PCDHA3: variants seen among roughly 807,000 people sequenced by gnomAD.
PCDHA3 encodes the protein protocadherin alpha 3, also known as protocadherin alpha-3.
Under a neutral mutation model 62.2 loss-of-function variants are expected in PCDHA3, and 41 were observed. That is an observed-to-expected ratio of 0.66 (90% CI 0.51 to 0.86). PCDHA3 has a LOEUF of 0.86. PCDHA3 is among the 40% of genes least tolerant of loss of function. PCDHA3 has a pLI of 0.00. For synonymous variants in PCDHA3, 640 were observed against 555.4 expected, an observed-to-expected ratio of 1.15 and a Z score of -2.14; for missense variants, 1,304 against 1,241.2, an observed-to-expected ratio of 1.05 and a Z score of -0.76.
chr5:140,827,091 A>G (rs568618224), intron 1 of PCDHA3, among the ~76,000 whole-genome samples: 1 of 152,214 alleles, frequency 6.6e-6, no homozygotes, highest in Non-Finnish European at 1.5e-5. Flanking sequence ...ACTATTTTCT[A>G]GGAGTCAGCA....
Position 140,849,995 on chromosome 5 carries a change from C to T in PCDHA3, c.2394+46404C>T, listed in dbSNP as rs2150462177. The T allele has an allele frequency of 2.5e-6, 4 of 1,597,088 alleles. 1 individual carries two copies. The highest frequency in any genetic ancestry group is 1.7e-6 in the Non-Finnish European group (2 of 1,167,812). ...ACTCGCTGGTGGAGCGGCGGTTGGG[C>T]GAGCGCTCGCTGTCGAGCTACGTGT... On this transcript the variant is annotated intron_variant, in intron 1 of 3. Transcript: ENST00000522353.
At position 140,856,560 on chromosome 5, in the gene PCDHA3, T is replaced by G. The variant is rs782375648; in HGVS notation, c.2394+52969T>G. 94 of 1,597,798 alleles carry G rather than the reference T, an allele frequency of 5.9e-5. 1 individual carries two copies. ...GAGAACGCATTGCTTACTTACAAAC[T>G]CAGTCCAAATGAGTATTTTGTTCTT... On this transcript the variant is annotated intron_variant, in intron 1 of 3. Transcript: ENST00000522353.
At chr5:140,915,557 T>G (rs909593732) in intron 1 of PCDHA3, among the ~76,000 whole-genome samples, 1 of 152,102 alleles carries the variant, frequency 6.6e-6, no homozygotes, top group African/African-American at 2.4e-5. Flanking sequence ...AGATCCAGAA[T>G]GATTATCTGG....
intron 1 of PCDHA3, among the ~76,000 whole-genome samples, chr5:140,846,373 C>CTTTTTTTTTT (rs374699051): frequency 3.6e-5 from 2 of 55,152 alleles, no homozygotes; most frequent in South Asian, 1.0e-3. Flanking sequence ...TTCTTTCTTT[C>CTTTTTTTTTT]TTTTTTTTTT....
intron 1 of PCDHA3, chr5:140,849,712 C>G (rs782768269): frequency 6.3e-7 from 1 of 1,598,502 alleles, no homozygotes; most frequent in Non-Finnish European, 8.6e-7. Context: ...AATTACTACT[C>G]GTTGGTGCTG....
At chr5:140,852,630 T>C in intron 1 of PCDHA3, 1 of 954,540 alleles carries the variant, frequency 1.0e-6, no homozygotes, top group Non-Finnish European at 1.3e-6. Context: ...GTCTCTGAGC[T>C]CCTGTCATTA....
At chr5:140,884,295 C>G in intron 1 of PCDHA3, 1 of 1,613,680 alleles carries the variant, frequency 6.2e-7, no homozygotes, top group Non-Finnish European at 8.5e-7. Flanking sequence ...GGCCAAGCGC[C>G]ACAGGCTTCG....
chr5:140,898,330 G>A (rs536378486), intron 1 of PCDHA3, among the ~76,000 whole-genome samples: 29 of 152,102 alleles, frequency 1.9e-4, no homozygotes, highest in African/African-American at 6.0e-4. Flanking sequence ...TGGGTCTAAC[G>A]TTTAAGTCTT....
chr5:140,900,030 G>A (rs1159979332), intron 1 of PCDHA3, among the ~76,000 whole-genome samples: 1 of 152,086 alleles, frequency 6.6e-6, no homozygotes, highest in Admixed American at 6.6e-5. Context: ...GTTTGGCCTT[G>A]AATTCCTGGG....
chr5:140,928,795 G>T, intron 1 of PCDHA3: 1 of 1,614,152 alleles, frequency 6.2e-7, no homozygotes, highest in South Asian at 1.1e-5. Flanking sequence ...GCAGAGGGTG[G>T]TGGTAGTGGT....
chr5:141,000,389 C>CTATATA (rs2097911342), intron 3 of PCDHA3, among the ~76,000 whole-genome samples: 2 of 62,586 alleles, frequency 3.2e-5, no homozygotes, highest in African/African-American at 7.0e-5. Flanking sequence ...CTCTCTCTCT[C>CTATATA]TCTCTCTATA....
chr5:140,923,012 G>A (rs2081117924), intron 1 of PCDHA3, among the ~76,000 whole-genome samples: 1 of 152,206 alleles, frequency 6.6e-6, no homozygotes, highest in Non-Finnish European at 1.5e-5. Flanking sequence ...TTGTTGGACT[G>A]CAGTTTCGGA....
At chr5:140,846,108 T>C (rs1420527870) in intron 1 of PCDHA3, among the ~76,000 whole-genome samples, 1 of 149,756 alleles carries the variant, frequency 6.7e-6, no homozygotes, top group African/African-American at 2.4e-5. Context: ...ATGTGTAGAC[T>C]ATCTTACTTT....
rs535720832 is a variant in PCDHA3 at position 140,876,757 on chromosome 5, G to A, written c.2394+73166G>A. On this transcript the variant is annotated intron_variant, in intron 1 of 3. Transcript: ENST00000522353. ...CTATGAGCTGGTGGTGACTGCGCGG[G>A]ATGGGGGCTCGCCTTCGCTGTGGGC... 85 of 1,614,274 alleles carry A rather than the reference G, an allele frequency of 5.3e-5. No individual in the cohort carries two copies. The South Asian group carries it at 8.8e-4, about 17-fold the overall frequency.
chr5:140,826,174 C>T (rs1554130474), intron 1 of PCDHA3, among the ~76,000 whole-genome samples: 1 of 152,112 alleles, frequency 6.6e-6, no homozygotes, highest in Non-Finnish European at 1.5e-5. Flanking sequence ...TTTTGTCATT[C>T]TATAAATCTA....
At chr5:140,869,149 C>A in intron 1 of PCDHA3, 3 of 1,613,754 alleles carry the variant, frequency 1.9e-6, no homozygotes, top group Non-Finnish European at 2.5e-6. Flanking sequence ...ACGACTACAG[C>A]TCTGGCTTCT....
chr5:140,835,602 T>C, intron 1 of PCDHA3: 2 of 1,613,930 alleles, frequency 1.2e-6, no homozygotes, highest in South Asian at 1.1e-5. Flanking sequence ...TTACTATTCA[T>C]TGGTGCTGGA....
intron 1 of PCDHA3, among the ~76,000 whole-genome samples, chr5:140,874,292 G>C (rs1554167129): frequency 2.0e-5 from 3 of 152,146 alleles, no homozygotes; most frequent in Non-Finnish European, 4.4e-5. Context: ...AAATCTATGT[G>C]TACTTGTTCA....
At chr5:140,969,608 CAG>C in intron 1 of PCDHA3, 1 of 747,330 alleles carries the variant, frequency 1.3e-6, no homozygotes, top group South Asian at 2.1e-5. Flanking sequence ...TGCTAAAACA[CAG>C]ATTTGTAGAG....
Sources: allele counts gnomAD v4.1 joint callset (sites outside exome capture counted in the v4.1 genomes callset), GRCh38; gene constraint gnomAD v4.1.1; transcripts MANE v1.5; gene names NCBI Gene and HGNC (gene_info 2026-07-23, HGNC 2026-07-21).